EGLN1: variants seen among roughly 807,000 people sequenced by gnomAD.
EGLN1 encodes the protein egl-9 family hypoxia inducible factor 1.
In EGLN1, 17 loss-of-function variants were observed where a neutral mutation model predicts 38.3. The observed-to-expected ratio is 0.44, with a 90% confidence interval of 0.30 to 0.67. EGLN1 has a LOEUF of 0.67. Ranked by LOEUF, EGLN1 falls within the 30% of genes least tolerant of loss-of-function variation. EGLN1 has a pLI of 0.08. For synonymous variants in EGLN1, 283 were observed against 257.5 expected (o/e 1.10, Z -0.95); for missense variants, 477 against 603.3 (o/e 0.79, Z 2.19).
chr1:231,404,148 T>C (rs1044049337), intron 1 of EGLN1, among the ~76,000 whole-genome samples: 1 of 152,138 alleles, frequency 6.6e-6, no homozygotes, highest in Non-Finnish European at 1.5e-5. Flanking sequence ...TAATTAATTT[T>C]AGAAAAAAGT....
chr1:231,391,083 GTTTTTT>G (rs111257907), intron 1 of EGLN1, among the ~76,000 whole-genome samples: 1,059 of 49,734 alleles, frequency 0.021, 70 homozygotes, highest in African/African-American at 0.049. Flanking sequence ...AACTCATTCT[GTTTTTT>G]TTTTGTGTGT....
In EGLN1 at chr1:231,421,349, C is replaced by G. The variant is rs760951591; in HGVS notation, c.540G>C (p.Arg180=). 9.9e-6 allele frequency: 16 copies of G among 1,609,896 alleles called. No homozygotes were observed. The highest frequency in any genetic ancestry group is 1.3e-5 in the African/African-American group (1 of 74,870). ...GDALSPGGGL[R]PNGQTKPLPA... ...GCAGGGGCTTCGTCTGCCCGTTGGGCCGCAGGCCGCCGCCGGGGCTCAGCG... is the reference window on the plus strand; with the variant it reads ...GCAGGGGCTTCGTCTGCCCGTTGGGGCGCAGGCCGCCGCCGGGGCTCAGCG... Residue 180 remains arginine, a synonymous_variant, in exon 1 of 5, where the codon CGG becomes CGC. Coordinates refer to ENST00000366641, the MANE Select transcript of EGLN1 (RefSeq NM_022051.3). The surrounding 1 kb of genome is among the most constrained non-coding windows in gnomAD (Gnocchi z 5.5).
chr1:231,367,942 G>A (rs1455018364), intron 3 of EGLN1, among the ~76,000 whole-genome samples: 2 of 152,164 alleles, frequency 1.3e-5, no homozygotes, highest in East Asian at 1.9e-4. Flanking sequence ...CCAGCACTTC[G>A]GGAGGCCGAA....
chr1:231,377,419 G>A (rs1293368067), intron 1 of EGLN1, among the ~76,000 whole-genome samples: 3 of 152,242 alleles, frequency 2.0e-5, no homozygotes, highest in Non-Finnish European at 2.9e-5. Flanking sequence ...TGAGCCCAGA[G>A]TAGCAAAGTG....
rs994074616 is a variant in EGLN1, at chr1:231,384,172, A to G, written c.892-10073T>C. On this transcript the variant is annotated intron_variant, in intron 1 of 4. Coordinates refer to ENST00000366641, the MANE Select transcript of EGLN1 (RefSeq NM_022051.3). ...GGTGCTGGCGAGAGAGAAAGAACTCATTTAAAAAAAATTAAACCCTAAAAA... is the reference window on the plus strand; with the variant it reads ...GGTGCTGGCGAGAGAGAAAGAACTCGTTTAAAAAAAATTAAACCCTAAAAA... Among the ~76,000 whole-genome samples, 21 of 152,142 alleles carry G rather than the reference A, an allele frequency of 1.4e-4. 1 individual carries two copies. The highest frequency in any genetic ancestry group is 1.2e-3 in the Admixed American group (19 of 15,276).
chr1:231,370,538 A>T (rs866462820), intron 3 of EGLN1, 24 bp downstream of exon 3: 4 of 1,612,590 alleles, frequency 2.5e-6, no homozygotes, highest in Middle Eastern at 2.0e-4. Context: ...CTCTAAACCA[A>T]TTTTTTCTGA....
chr1:231,368,280 G>T (rs910618435), intron 3 of EGLN1, among the ~76,000 whole-genome samples: 4 of 152,162 alleles, frequency 2.6e-5, no homozygotes, highest in Non-Finnish European at 5.9e-5. Flanking sequence ...GAACAGAAAA[G>T]AAACAGATAA....
At chr1:231,406,097 A>G (rs146202874) in intron 1 of EGLN1, among the ~76,000 whole-genome samples, 1,485 of 144,280 alleles carry the variant, frequency 0.01, 37 homozygotes, top group African/African-American at 0.037. Flanking sequence ...GGGAGGCGGA[A>G]CTTGCAGTGA....
intron 3 of EGLN1, among the ~76,000 whole-genome samples, chr1:231,369,826 A>ATC (rs1456256180): frequency 6.6e-6 from 1 of 152,208 alleles, no homozygotes; most frequent in African/African-American, 2.4e-5. Context: ...ATAATAAAAA[A>ATC]TAAGTATTTT....
At chr1:231,387,639 G>A (rs567728284) in intron 1 of EGLN1, among the ~76,000 whole-genome samples, 39 of 152,228 alleles carry the variant, frequency 2.6e-4, no homozygotes, top group Non-Finnish European at 4.9e-4. Flanking sequence ...GATTATAGGC[G>A]TGAGCCACCA....
intron 1 of EGLN1, among the ~76,000 whole-genome samples, chr1:231,403,716 T>C (rs747613874): frequency 2.8e-5 from 4 of 141,932 alleles, no homozygotes; most frequent in African/African-American, 8.2e-5. Context: ...GAGGTGGAGG[T>C]TGCAGTGAGC....
At position 231,412,011 on chromosome 1, in the gene EGLN1, C is replaced by CAAAAAAAA. The variant is rs747472895; in HGVS notation, c.891+8979_891+8986dup. On this transcript the variant is annotated intron_variant, in intron 1 of 4. Coordinates refer to ENST00000366641, the MANE Select transcript of EGLN1 (RefSeq NM_022051.3). ...TGGGTGACAGAGTGAGACTCCATCTCAAAAAAAAAAAAAAAAAAAAAAAAA... is the reference window on the plus strand; with the variant it reads ...TGGGTGACAGAGTGAGACTCCATCTCAAAAAAAAAAAAAAAAAAAAAAAAAAAAAAAAA... 3.6e-4 allele frequency among the ~76,000 whole-genome samples: 12 copies of CAAAAAAAA among 33,666 alleles called. 1 individual carries two copies. Among genetic ancestry groups the CAAAAAAAA allele is most frequent in the African/African-American group, 7.1e-4 (8 of 11,288 alleles). The allele number at this position is 33,666 out of a possible 152,430, so 22.1% of individuals were successfully genotyped here.
At chr1:231,370,763 GA>G (rs931977107) in intron 2 of EGLN1, 65 bp from the exon 3 acceptor site, 6 of 1,536,988 alleles carry the variant, frequency 3.9e-6, no homozygotes, top group East Asian at 2.2e-5. Flanking sequence ...AATTTAGGGG[GA>G]AAAAAAGAGA....
intron 2 of EGLN1, among the ~76,000 whole-genome samples, chr1:231,371,180 G>C (rs1231393201): frequency 6.6e-6 from 1 of 152,178 alleles, no homozygotes; most frequent in East Asian, 1.9e-4. Context: ...GTGAGCCACT[G>C]TCCCCAGCCA....
intron 2 of EGLN1, among the ~76,000 whole-genome samples, chr1:231,371,008 G>T (rs1224497422): frequency 1.3e-5 from 2 of 152,162 alleles, no homozygotes; most frequent in Non-Finnish European, 2.9e-5. Flanking sequence ...TCCTGTCTCA[G>T]CATCGCGAGT....
In EGLN1 at chr1:231,421,141, C is replaced by A; in HGVS notation, c.748G>T (p.Asp250Tyr). The A allele has an allele frequency of 6.2e-7, 1 of 1,614,164 alleles. No individual in the cohort carries two copies. Among genetic ancestry groups the A allele is most frequent in the Non-Finnish European group, 8.5e-7 (1 of 1,180,032 alleles). Residue 250 changes from aspartate to tyrosine, a missense_variant, in exon 1 of 5, where the codon GAC (aspartate) becomes TAC (tyrosine). Asp to Tyr is a radical substitution (Grantham distance 160). Coordinates refer to ENST00000366641, the MANE Select transcript of EGLN1 (RefSeq NM_022051.3). This position sits in a 1 kb window ranked among gnomAD's most constrained non-coding sequence, Gnocchi z 5.5. Reference sequence around the variant, plus strand: ...CAGGTGATCTTATCGCCTCGGATGTCCTTGGACGAGTCACTCTTCTGGCTG... The same window carrying A: ...CAGGTGATCTTATCGCCTCGGATGTACTTGGACGAGTCACTCTTCTGGCTG... ...LVSQKSDSSK[D>Y]IRGDKITWIE...
Position 231,365,496 on chromosome 1 carries a change from G to C in EGLN1, c.*915C>G, listed in dbSNP as rs1449354085. 6.6e-6 allele frequency: 1 copy of C among 152,158 alleles called. No individual in the cohort carries two copies. The highest frequency in any genetic ancestry group is 1.5e-5 in the Non-Finnish European group (1 of 68,054). The allele number at this position is 152,158 out of a possible 1,614,324, so 9.4% of individuals were successfully genotyped here. A position where few individuals can be genotyped will look rare whatever the true frequency, so the allele number is the denominator to read the frequency against. ...CTACTAAACATACAAAAATTAGTCA[G>C]GCATGGTGGTGTGTGCCTGCAGTCC... On this transcript the variant is annotated 3_prime_UTR_variant, in exon 5 of 5. Transcript: ENST00000366641.
rs778340884 is a variant in EGLN1 at position 231,414,369 on chromosome 1, G to A, written c.891+6629C>T. 9.9e-5 allele frequency among the ~76,000 whole-genome samples: 15 copies of A among 152,112 alleles called. 1 individual carries two copies. Among genetic ancestry groups the A allele is most frequent in the African/African-American group, 3.4e-4 (14 of 41,410 alleles). ...CATCAATCCAAAGGCATATCAGAAA[G>A]GCACAGGCTTCAGAAAACATGGAAG... On this transcript the variant is annotated intron_variant, in intron 1 of 4. Transcript: ENST00000366641.
intron 1 of EGLN1, among the ~76,000 whole-genome samples, chr1:231,386,328 C>G (rs1408665542): frequency 6.6e-6 from 1 of 152,158 alleles, no homozygotes; most frequent in Non-Finnish European, 1.5e-5. Context: ...AGAGAAATGA[C>G]TATCTCCATT....
Sources: gnomAD v4.1 joint callset for allele counts (sites outside exome capture counted in the v4.1 genomes callset) on GRCh38, gnomAD v4.1.1 for gene constraint, Gnocchi (gnomAD v3.1) non-coding constraint, MANE v1.5 for transcripts, NCBI Gene and HGNC (gene_info 2026-07-23, HGNC 2026-07-21) for gene names.